Variants in ZNF385D observed in about 807,000 individuals in gnomAD.
ZNF385D encodes zinc finger protein 659.
Under a neutral mutation model 35.8 loss-of-function variants are expected in ZNF385D, and 15 were observed. The ratio of observed to expected loss-of-function variants is 0.42; its 90% CI spans 0.28 to 0.64. The LOEUF (loss-of-function observed/expected upper bound fraction) is 0.64, where lower values mean the gene tolerates loss of function less well. Among genes scored for constraint, ZNF385D ranks in the 30% least tolerant of loss-of-function variants. The probability of loss-of-function intolerance (pLI) is 0.23; values close to 1 mark genes in which losing one functional copy is unlikely to be tolerated. For synonymous variants in ZNF385D, 212 were observed against 186.8 expected (o/e 1.13, Z -1.10); for missense variants, 474 against 494.6 (o/e 0.96, Z 0.39).
chr3:21,870,177 G>A (rs1477552069), intron 3 of ZNF385D, among the ~76,000 whole-genome samples: 2 of 152,142 alleles, frequency 1.3e-5, no homozygotes, highest in East Asian at 3.9e-4. Flanking sequence ...CACACAGAAT[G>A]TCTATGTTCT....
At chr3:21,602,086 A>G (rs1188004097) in intron 2 of ZNF385D, among the ~76,000 whole-genome samples, 1 of 152,166 alleles carries the variant, frequency 6.6e-6, no homozygotes, top group Non-Finnish European at 1.5e-5. Context: ...AGGGGGAGCA[A>G]AGGCAGGTCT....
intron 1 of ZNF385D, among the ~76,000 whole-genome samples, chr3:21,722,503 G>A (rs1172238566): frequency 6.6e-6 from 1 of 152,198 alleles, no homozygotes; most frequent in Non-Finnish European, 1.5e-5. Context: ...CAGGAGTCTA[G>A]GCTCCTCCTG....
At chr3:21,963,431 G>A (rs1023320272) in intron 3 of ZNF385D, among the ~76,000 whole-genome samples, 2 of 152,110 alleles carry the variant, frequency 1.3e-5, no homozygotes, top group Non-Finnish European at 2.9e-5. Context: ...GAAAGAGTTC[G>A]CATCTTACTT....
intron 2 of ZNF385D, among the ~76,000 whole-genome samples, chr3:22,324,260 T>C (rs1199371682): frequency 6.6e-6 from 1 of 152,166 alleles, no homozygotes; most frequent in African/African-American, 2.4e-5. Context: ...AATTAATGTA[T>C]AAATGTTTGA....
chr3:21,460,383 C>T (rs574510094), intron 4 of ZNF385D, among the ~76,000 whole-genome samples: 4 of 152,258 alleles, frequency 2.6e-5, no homozygotes, highest in African/African-American at 4.8e-5. Flanking sequence ...AATATAAAGA[C>T]CCATAAAACA....
intron 3 of ZNF385D, among the ~76,000 whole-genome samples, chr3:21,545,703 G>A (rs1317618878): frequency 6.6e-6 from 1 of 152,204 alleles, no homozygotes; most frequent in Non-Finnish European, 1.5e-5. Context: ...CCTATAAGGA[G>A]TCAAGTTCGA....
At chr3:21,460,471 A>T (rs1349866455) in intron 4 of ZNF385D, among the ~76,000 whole-genome samples, 1 of 152,226 alleles carries the variant, frequency 6.6e-6, no homozygotes, top group Admixed American at 6.5e-5. Flanking sequence ...CACAACATGT[A>T]TGCAAGCTGT....
chr3:22,047,014 G>T (rs6550654), intron 3 of ZNF385D, among the ~76,000 whole-genome samples: 2,975 of 152,008 alleles, frequency 0.02, 110 homozygotes, highest in African/African-American at 0.069. Flanking sequence ...ATTTTCAGGT[G>T]GCCAATAATG....
intron 1 of ZNF385D, among the ~76,000 whole-genome samples, chr3:21,683,262 C>A (rs1486021501): frequency 6.7e-6 from 1 of 149,760 alleles, no homozygotes; most frequent in Non-Finnish European, 1.5e-5. Flanking sequence ...GCTGTACACA[C>A]CCTACATCAT....
chr3:21,978,315 T>C (rs1397884697), intron 3 of ZNF385D: 1 of 152,250 alleles, frequency 6.6e-6, no homozygotes, highest in African/African-American at 2.4e-5. Context: ...CAATGTTTGC[T>C]GTCTATCTGT....
intron 3 of ZNF385D, among the ~76,000 whole-genome samples, chr3:22,104,063 G>A (rs1483795067): frequency 6.6e-6 from 1 of 152,104 alleles, no homozygotes; most frequent in Non-Finnish European, 1.5e-5. Flanking sequence ...CTTGGGGAGT[G>A]AGGGACGTAT....
chr3:22,367,965 C>A (rs1379564798), intron 2 of ZNF385D, among the ~76,000 whole-genome samples: 1 of 152,152 alleles, frequency 6.6e-6, no homozygotes, highest in Non-Finnish European at 1.5e-5. Context: ...CAAGGCGCAT[C>A]AAGATCAGTA....
intron 3 of ZNF385D, among the ~76,000 whole-genome samples, chr3:21,941,706 C>T (rs1701530582): frequency 6.6e-6 from 1 of 151,870 alleles, no homozygotes. Context: ...ACCGTATTAG[C>T]TAGGATGGTC....
chr3:22,256,198 C>T (rs530653855), intron 2 of ZNF385D, among the ~76,000 whole-genome samples: 2 of 146,754 alleles, frequency 1.4e-5, no homozygotes, highest in African/African-American at 5.2e-5. Context: ...TACATACACA[C>T]ATACATATAT....
chr3:21,975,995 T>C (rs1703596794), intron 3 of ZNF385D, among the ~76,000 whole-genome samples: 1 of 152,014 alleles, frequency 6.6e-6, no homozygotes, highest in African/African-American at 2.4e-5. Context: ...GAGACCAGAC[T>C]TCTACTTCAG....
chr3:22,019,945 A>G (rs1332733019), intron 3 of ZNF385D, among the ~76,000 whole-genome samples: 2 of 151,874 alleles, frequency 1.3e-5, no homozygotes, highest in Non-Finnish European at 2.9e-5. Context: ...TATGTCCCAA[A>G]TGCTGTGGTA....
chr3:21,566,460 T>TACTA (rs759182121), intron 2 of ZNF385D, among the ~76,000 whole-genome samples: 11 of 152,120 alleles, frequency 7.2e-5, no homozygotes, highest in Non-Finnish European at 1.6e-4. Flanking sequence ...ACCTTGTCTT[T>TACTA]ACTAACAAAG....
intron 2 of ZNF385D, among the ~76,000 whole-genome samples, chr3:22,328,904 T>C (rs1000315464): frequency 6.6e-4 from 100 of 151,342 alleles, no homozygotes; most frequent in Non-Finnish European, 8.1e-4. Context: ...TGAAACCCCG[T>C]CTCTACTAAA....
chr3:22,065,357 T>G (rs1027843868), intron 3 of ZNF385D, among the ~76,000 whole-genome samples: 1 of 152,184 alleles, frequency 6.6e-6, no homozygotes, highest in East Asian at 1.9e-4. Context: ...TAGTCCAATC[T>G]ATGCCAACAC....
Sources: allele counts gnomAD v4.1 joint callset (sites outside exome capture counted in the v4.1 genomes callset), GRCh38; gene constraint gnomAD v4.1.1; transcripts MANE v1.5; gene names NCBI Gene and HGNC (gene_info 2026-07-23, HGNC 2026-07-21).